Variants in CSNK1E observed in about 807,000 individuals in gnomAD.
CSNK1E encodes the protein casein kinase I isoform epsilon.
CSNK1E carries 17 observed loss-of-function variants against 46.1 expected under a neutral mutation model. The ratio of observed to expected loss-of-function variants is 0.37; its 90% CI spans 0.25 to 0.55. The LOEUF is 0.55. Ranked by LOEUF, CSNK1E falls within the 20% of genes least tolerant of loss-of-function variation. The probability of loss-of-function intolerance (pLI) is 0.82; values close to 1 mark genes in which losing one functional copy is unlikely to be tolerated. For synonymous variants in CSNK1E, 241 were observed against 242.6 expected, an observed-to-expected ratio of 0.99 and a Z score of 0.06; for missense variants, 386 against 595.4, an observed-to-expected ratio of 0.65 and a Z score of 3.66.
At position 38,317,404 on chromosome 22, in the gene CSNK1E, C is replaced by CCCGCCCGCCCGCCCCCG. The variant is rs1569086021; in HGVS notation, c.-258_-257insCGGGGGCGGGCGGGCGG. 7.6e-6 allele frequency: 1 copy of CCCGCCCGCCCGCCCCCG among 130,992 alleles called. No homozygotes were observed. Among genetic ancestry groups the CCCGCCCGCCCGCCCCCG allele is most frequent in the African/African-American group, 2.8e-5 (1 of 36,260 alleles). The allele number at this position is 130,992 out of a possible 1,614,324, so 8.1% of individuals were successfully genotyped here. Reference sequence around the variant, plus strand: ...CTCCTCCCGGCCTCCTGCCCGCCCGCCCGCCCCCGCCGCCGGCTCGCGCGC... The same window carrying CCCGCCCGCCCGCCCCCG: ...CTCCTCCCGGCCTCCTGCCCGCCCGCCCGCCCGCCCGCCCCCGCCGCCCCCGCCGCCGGCTCGCGCGC... On this transcript the variant is annotated 5_prime_UTR_variant, in exon 1 of 11. Coordinates refer to ENST00000396832, the MANE Select transcript of CSNK1E (RefSeq NM_152221.3).
At chr22:38,293,074 C>A in intron 10 of CSNK1E, 181 bp downstream of exon 10, 1 of 612,652 alleles carries the variant, frequency 1.6e-6, no homozygotes, top group East Asian at 2.8e-5. Flanking sequence ...ACCCTTGGCC[C>A]CAAGTCAGGC....
intron 10 of CSNK1E, chr22:38,293,009 GAA>G (rs1205504829): frequency 1.8e-6 from 1 of 542,886 alleles, no homozygotes; most frequent in Non-Finnish European, 3.3e-6. Context: ...GCCGAGGGCA[GAA>G]AAAGTTTTTC....
At chr22:38,307,169 T>C (rs2145844797) in intron 2 of CSNK1E, among the ~76,000 whole-genome samples, 1 of 151,754 alleles carries the variant, frequency 6.6e-6, no homozygotes, top group Middle Eastern at 3.4e-3. Flanking sequence ...AGACCATGTC[T>C]CAAAAATAAA....
In CSNK1E at chr22:38,294,012, G is replaced by C; in HGVS notation, c.1218+97C>G. 1 of 1,407,036 alleles carries C rather than the reference G, an allele frequency of 7.1e-7. No homozygotes were observed. Among genetic ancestry groups the C allele is most frequent in the African/African-American group, 1.4e-5 (1 of 71,114 alleles). The allele number at this position is 1,407,036 out of a possible 1,614,324, so 87.2% of individuals were successfully genotyped here. A position where few individuals can be genotyped will look rare whatever the true frequency, so the allele number is the denominator to read the frequency against. On this transcript the variant is annotated intron_variant, in intron 9 of 10. Coordinates refer to ENST00000396832, the MANE Select transcript of CSNK1E (RefSeq NM_152221.3). This position sits in a 1 kb window ranked among gnomAD's most constrained non-coding sequence, Gnocchi z 5.5. Reference sequence around the variant, plus strand: ...GGTTCACTCCAAGGCAAGCAGCGTCGATGGAAAGGGAAGAACAGAGCCACG... The same window carrying C: ...GGTTCACTCCAAGGCAAGCAGCGTCCATGGAAAGGGAAGAACAGAGCCACG...
intron 1 of CSNK1E, 36 bp from the exon 2 acceptor site, chr22:38,314,205 T>C: frequency 1.3e-6 from 2 of 1,579,660 alleles, no homozygotes; most frequent in South Asian, 1.1e-5. Context: ...GTCAGCGACG[T>C]GGGGAGCCGG....
chr22:38,300,939 TCGATGC>T lies in CSNK1E; in HGVS notation c.344_349del (p.Arg115_Glu117delinsGln). 1 of 1,614,010 alleles carries T rather than the reference TCGATGC, an allele frequency of 6.2e-7. No individual in the cohort carries two copies. Among genetic ancestry groups the T allele is most frequent in the Non-Finnish European group, 8.5e-7 (1 of 1,179,922 alleles). Reference sequence around the variant, plus strand: ...GATGAAGTTCTTGGAGTGGATATACTCGATGCGGCTGATCTGGGGAGGAGGGGGGCC... The same window carrying T: ...GATGAAGTTCTTGGAGTGGATATACTGGCTGATCTGGGGAGGAGGGGGGCC... On this transcript the variant is annotated inframe_deletion, in exon 5 of 11. Transcript: ENST00000396832. The surrounding 1 kb of genome is among the most constrained non-coding windows in gnomAD (Gnocchi z 4.4).
chr22:38,303,117 C>A lies in CSNK1E; in HGVS notation c.187+21G>T, dbSNP rs1273720653. On this transcript the variant is annotated intron_variant, in intron 3 of 10. Coordinates refer to ENST00000396832, the MANE Select transcript of CSNK1E (RefSeq NM_152221.3). The surrounding 1 kb of genome is among the most constrained non-coding windows in gnomAD (Gnocchi z 4.7). ...CCACCGCCACCCACCCGGCGCCCGCCGCCGCCCACCCTGCGCTCACCGCCA... is the reference window on the plus strand; with the variant it reads ...CCACCGCCACCCACCCGGCGCCCGCAGCCGCCCACCCTGCGCTCACCGCCA... 3 of 1,600,538 alleles carry A rather than the reference C, an allele frequency of 1.9e-6. No homozygotes were observed. The African/African-American group carries it at 4.0e-5, about 21-fold the overall frequency.
rs557190133 is a variant in CSNK1E, at chr22:38,309,686, C to T, written c.76+4396G>A. Among the ~76,000 whole-genome samples the T allele has an allele frequency of 4.3e-4, 66 of 152,286 alleles. No individual in the cohort carries two copies. Among genetic ancestry groups the T allele is most frequent in the African/African-American group, 1.6e-3 (66 of 41,560 alleles). On this transcript the variant is annotated intron_variant, in intron 2 of 10. Transcript: ENST00000396832. The surrounding 1 kb of genome is among the most constrained non-coding windows in gnomAD (Gnocchi z 4.8). Reference sequence around the variant, plus strand: ...GCCGGGCTGGTCTCAAACTCCTGACCTCAAATGATCTGCCCGCCTTGGTCT... The same window carrying T: ...GCCGGGCTGGTCTCAAACTCCTGACTTCAAATGATCTGCCCGCCTTGGTCT...
rs1049899993 is a variant in CSNK1E at position 38,298,620 on chromosome 22, G to A, written c.885+166C>T. On this transcript the variant is annotated intron_variant, in intron 7 of 10. Coordinates refer to ENST00000396832, the MANE Select transcript of CSNK1E (RefSeq NM_152221.3). This position sits in a 1 kb window ranked among gnomAD's most constrained non-coding sequence, Gnocchi z 4.2. ...CCATGGTGGCACAAGCTGTCAGCAC[G>A]GATGAGGCTGGAGGGCTCTGGGACC... 2.3e-5 allele frequency: 17 copies of A among 752,170 alleles called. No homozygotes were observed. Among genetic ancestry groups the A allele is most frequent in the East Asian group, 1.5e-4 (6 of 38,848 alleles). 46.6% of individuals were successfully genotyped at this position (752,170 alleles called of 1,614,324 possible). A position where few individuals can be genotyped will look rare whatever the true frequency, so the allele number is the denominator to read the frequency against.
At chr22:38,299,048 G>C in intron 6 of CSNK1E, 114 bp from the exon 7 acceptor site, 1 of 1,250,502 alleles carries the variant, frequency 8.0e-7, no homozygotes, top group African/African-American at 1.5e-5. Flanking sequence ...CAATCTGTGA[G>C]AGGCAAGAAA....
rs1455296684 is a variant in CSNK1E at position 38,300,175 on chromosome 22, C to T, written c.566-110G>A. 1.6e-5 allele frequency: 16 copies of T among 1,009,212 alleles called. No individual in the cohort carries two copies. Among genetic ancestry groups the T allele is most frequent in the East Asian group, 7.8e-5 (3 of 38,592 alleles). 62.5% of individuals were successfully genotyped at this position (1,009,212 alleles called of 1,614,324 possible). ...CACCAGGACCCTCCTGCCCCCACGT[C>T]GGATGTTGCTCACTGCACGCATTTT... On this transcript the variant is annotated intron_variant, in intron 5 of 10. Coordinates refer to ENST00000396832, the MANE Select transcript of CSNK1E (RefSeq NM_152221.3). This position sits in a 1 kb window ranked among gnomAD's most constrained non-coding sequence, Gnocchi z 4.4.
At chr22:38,304,370 T>A (rs998752578) in intron 2 of CSNK1E, among the ~76,000 whole-genome samples, 1 of 151,770 alleles carries the variant, frequency 6.6e-6, no homozygotes, top group South Asian at 2.1e-4. Flanking sequence ...AGGAGAAATC[T>A]CAAGTAGAGG....
At chr22:38,306,188 G>A (rs552210714) in intron 2 of CSNK1E, among the ~76,000 whole-genome samples, 1 of 152,276 alleles carries the variant, frequency 6.6e-6, no homozygotes, top group East Asian at 1.9e-4. Flanking sequence ...AAAAAGGTGG[G>A]GAACTAAGTA....
intron 7 of CSNK1E, chr22:38,297,927 T>TG: frequency 9.0e-7 from 1 of 1,112,720 alleles, no homozygotes. Flanking sequence ...CCAGTAGTTT[T>TG]GGGGGGACAG....
upstream of CSNK1E, chr22:38,317,459 A>T (rs2092754719): frequency 1.0e-5 from 1 of 98,258 alleles, no homozygotes. Flanking sequence ...GCCGGCTCCC[A>T]TTGAGCCCCG....
intron 2 of CSNK1E, among the ~76,000 whole-genome samples, chr22:38,304,459 TAAAC>T (rs2092689064): frequency 3.9e-5 from 6 of 152,172 alleles, no homozygotes; most frequent in South Asian, 4.2e-4. Flanking sequence ...AAGCTGAACA[TAAAC>T]AAACGCTCGC....
rs780432736 is a variant in CSNK1E at position 38,303,060 on chromosome 22, C to T, written c.188-51G>A. On this transcript the variant is annotated intron_variant, in intron 3 of 10. Coordinates refer to ENST00000396832, the MANE Select transcript of CSNK1E (RefSeq NM_152221.3). The surrounding 1 kb of genome is among the most constrained non-coding windows in gnomAD (Gnocchi z 4.7). ...TCAGGGGTCAGAGGCAGGCAGCCAG[C>T]CACGCCCGGCCCACCCTGTGCTCAT... 1 of 1,600,360 alleles carries T rather than the reference C, an allele frequency of 6.2e-7. No individual in the cohort carries two copies. Among genetic ancestry groups the T allele is most frequent in the Non-Finnish European group, 8.5e-7 (1 of 1,173,568 alleles).
Position 38,291,031 on chromosome 22 carries a change from G to C in CSNK1E, c.*940C>G, listed in dbSNP as rs1045993348. The C allele has an allele frequency of 6.6e-6, 1 of 152,346 alleles. No homozygotes were observed. The highest frequency in any genetic ancestry group is 1.5e-5 in the Non-Finnish European group (1 of 68,060). The allele number at this position is 152,346 out of a possible 1,614,324, so 9.4% of individuals were successfully genotyped here. A position where few individuals can be genotyped will look rare whatever the true frequency, so the allele number is the denominator to read the frequency against. ...GCTCCTCCTCAGAAAGGTGGAACCAGGGAGAGGGGGGACCCCAGGTGACTG... is the reference window on the plus strand; with the variant it reads ...GCTCCTCCTCAGAAAGGTGGAACCACGGAGAGGGGGGACCCCAGGTGACTG... On this transcript the variant is annotated 3_prime_UTR_variant, in exon 11 of 11. Transcript: ENST00000396832.
chr22:38,309,724 G>A lies in CSNK1E; in HGVS notation c.76+4358C>T, dbSNP rs111295757. ...CCCGCCTTGGTCTCCCAAGTGCTGGGATTACAGGCGTGAGCCACTGTGCCT... is the reference window on the plus strand; with the variant it reads ...CCCGCCTTGGTCTCCCAAGTGCTGGAATTACAGGCGTGAGCCACTGTGCCT... On this transcript the variant is annotated intron_variant, in intron 2 of 10. Coordinates refer to ENST00000396832, the MANE Select transcript of CSNK1E (RefSeq NM_152221.3). This position sits in a 1 kb window ranked among gnomAD's most constrained non-coding sequence, Gnocchi z 4.8. Among the ~76,000 whole-genome samples, 8,679 of 152,280 alleles carry A rather than the reference G, an allele frequency of 0.057. 479 individuals are homozygous for A. Among genetic ancestry groups the A allele is most frequent in the African/African-American group, 0.15 (6,085 of 41,522 alleles).
Sources: allele counts gnomAD v4.1 joint callset (sites outside exome capture counted in the v4.1 genomes callset), GRCh38; gene constraint gnomAD v4.1.1; non-coding constraint Gnocchi (gnomAD v3.1); transcripts MANE v1.5; gene names NCBI Gene and HGNC (gene_info 2026-07-23, HGNC 2026-07-21).